Variants in LRTM3 observed in about 807,000 individuals in gnomAD.
The protein encoded by LRTM3 is leucine-rich repeat transmembrane protein 3.
chr13:102,749,147 T>C, the LRTM3 span: 3 of 1,550,672 alleles, frequency 1.9e-6, no homozygotes, highest in Non-Finnish European at 2.6e-6. Flanking sequence ...TCCTAACTCA[T>C]TCCTATTTTT....
the LRTM3 span, among the ~76,000 whole-genome samples, chr13:102,754,408 G>A: frequency 2.0e-5 from 3 of 152,008 alleles, no homozygotes; most frequent in Non-Finnish European, 1.5e-5. Flanking sequence ...CCCACACCCT[G>A]TTTTGTTTGC....
chr13:102,748,946 T>G, the LRTM3 span: 1 of 1,550,720 alleles, frequency 6.4e-7, no homozygotes, highest in Non-Finnish European at 8.7e-7. Flanking sequence ...TTTCTCTGTA[T>G]CTGGTGACTT....
chr13:102,745,302 T>C, the LRTM3 span: 8 of 1,550,650 alleles, frequency 5.2e-6, no homozygotes, highest in Non-Finnish European at 7.0e-6. Flanking sequence ...GAAGTAATAC[T>C]ATCTTCATGT....
chr13:102,744,083 A>C, the LRTM3 span: 1 of 1,550,582 alleles, frequency 6.4e-7, no homozygotes, highest in Non-Finnish European at 8.7e-7. Flanking sequence ...GGCACTGAGT[A>C]ATGCCTCTCC....
At chr13:102,753,566 C>CG in the LRTM3 span, among the ~76,000 whole-genome samples, 1 of 149,888 alleles carries the variant, frequency 6.7e-6, no homozygotes, top group East Asian at 1.9e-4. Flanking sequence ...TGGCCATCTG[C>CG]GAGTCAAGGA....
the LRTM3 span, chr13:102,747,340 A>T: frequency 2.6e-6 from 4 of 1,550,306 alleles, no homozygotes; most frequent in Non-Finnish European, 3.5e-6. Context: ...TAATTTCAAA[A>T]TTGCCTCCCA....
the LRTM3 span, chr13:102,746,207 T>G: frequency 1.3e-6 from 2 of 1,550,862 alleles, no homozygotes; most frequent in African/African-American, 2.7e-5. Context: ...CAGCACTGGG[T>G]CTGATTCAAG....
the LRTM3 span, chr13:102,745,432 T>A: frequency 6.4e-7 from 1 of 1,550,972 alleles, no homozygotes; most frequent in Non-Finnish European, 8.7e-7. Context: ...AAGCATATGT[T>A]TCATCTACCC....
At chr13:102,747,491 T>C in the LRTM3 span, 12 of 1,550,272 alleles carry the variant, frequency 7.7e-6, no homozygotes, top group South Asian at 7.2e-5. Context: ...TTCCTGCCTT[T>C]TAAAATATGG....
chr13:102,755,728 G>C, the LRTM3 span, among the ~76,000 whole-genome samples: 15 of 151,044 alleles, frequency 9.9e-5, no homozygotes, highest in Middle Eastern at 3.2e-3. Context: ...GTATCCCTAT[G>C]TAACAAACCT....
the LRTM3 span, chr13:102,740,546 TC>T: frequency 3.9e-6 from 6 of 1,549,448 alleles, no homozygotes; most frequent in Non-Finnish European, 5.2e-6. Flanking sequence ...TTTGAGTAAG[TC>T]TTGTCTTTTT....
At chr13:102,736,684 C>G in the LRTM3 span, 1 of 1,550,592 alleles carries the variant, frequency 6.4e-7, no homozygotes, top group South Asian at 1.2e-5. Flanking sequence ...GACTGATGTT[C>G]ACCTGCAGTT....
At chr13:102,731,027 G>A in the LRTM3 span, 5 of 1,551,322 alleles carry the variant, frequency 3.2e-6, no homozygotes, top group African/African-American at 1.4e-5. Flanking sequence ...TATCTCCAAT[G>A]TTTTCACAGA....
the LRTM3 span, chr13:102,747,842 G>A: frequency 6.4e-7 from 1 of 1,551,206 alleles, no homozygotes; most frequent in East Asian, 2.4e-5. Flanking sequence ...CTCTTTATTT[G>A]GGGCTTTACT....
chr13:102,734,294 G>A, the LRTM3 span: 1 of 1,551,282 alleles, frequency 6.4e-7, no homozygotes, highest in Non-Finnish European at 8.7e-7. Flanking sequence ...CTCTGTATCT[G>A]GTAATGCTGA....
the LRTM3 span, chr13:102,741,841 TG>T: frequency 6.5e-7 from 1 of 1,550,376 alleles, no homozygotes. Context: ...TTCTAATTCG[TG>T]GGGCATCGAA....
chr13:102,754,702 T>G, the LRTM3 span, among the ~76,000 whole-genome samples: 1 of 152,322 alleles, frequency 6.6e-6, no homozygotes, highest in Admixed American at 6.5e-5. Context: ...TCTCCCCATT[T>G]GTGAGATGTC....
the LRTM3 span, chr13:102,732,441 C>T: frequency 1.3e-6 from 2 of 1,551,118 alleles, no homozygotes; most frequent in Non-Finnish European, 8.7e-7. Context: ...CTTTTCAGAT[C>T]TCTTATTGTT....
the LRTM3 span, chr13:102,758,999 T>TC: frequency 1.0e-6 from 1 of 960,894 alleles, no homozygotes; most frequent in Non-Finnish European, 1.5e-6. Flanking sequence ...GGCCCTGAAA[T>TC]ATAAAACCTC....
Sources: gnomAD v4.1 joint callset for allele counts (sites outside exome capture counted in the v4.1 genomes callset) on GRCh38, gnomAD v4.1.1 for gene constraint, MANE v1.5 for transcripts, NCBI Gene and HGNC (gene_info 2026-07-23, HGNC 2026-07-21) for gene names.